TNRC6C: variants seen among roughly 807,000 people sequenced by gnomAD.
TNRC6C encodes the protein trinucleotide repeat containing adaptor 6C.
In TNRC6C, 20 loss-of-function variants were observed where a neutral mutation model predicts 153.7. That is an observed-to-expected ratio of 0.13 (90% CI 0.09 to 0.19). The LOEUF (loss-of-function observed/expected upper bound fraction) is 0.19, where lower values mean the gene tolerates loss of function less well. Among genes scored for constraint, TNRC6C ranks in the 10% least tolerant of loss-of-function variants. The pLI is 1.00. For synonymous variants in TNRC6C, 811 were observed against 841.4 expected (o/e 0.96, Z 0.63); for missense variants, 1,987 against 2,172.0 (o/e 0.91, Z 1.69).
At chr17:77,994,139 A>G (rs1006238887) in intron 1 of TNRC6C, among the ~76,000 whole-genome samples, 2 of 152,180 alleles carry the variant, frequency 1.3e-5, no homozygotes, top group African/African-American at 4.8e-5. Context: ...GTTGCAGTGC[A>G]CCGAGATTGT....
At chr17:77,978,258 G>GT (rs973188167) in intron 1 of TNRC6C, among the ~76,000 whole-genome samples, 3 of 152,152 alleles carry the variant, frequency 2.0e-5, no homozygotes, top group African/African-American at 7.2e-5. Context: ...CAATAGAATA[G>GT]TAGAAGTAAG....
intron 3 of TNRC6C, among the ~76,000 whole-genome samples, chr17:78,055,771 G>A (rs967598511): frequency 4.6e-5 from 7 of 152,124 alleles, no homozygotes; most frequent in African/African-American, 1.4e-4. Flanking sequence ...GTCATGTATG[G>A]AGCATTTTTA....
At chr17:78,078,801 CT>C (rs763902486) in intron 9 of TNRC6C, among the ~76,000 whole-genome samples, 137 of 152,084 alleles carry the variant, frequency 9.0e-4, no homozygotes, top group Non-Finnish European at 9.0e-4. Flanking sequence ...CCCGTCTCTA[CT>C]AAAAACACAA....
intron 16 of TNRC6C, among the ~76,000 whole-genome samples, chr17:78,094,411 C>T (rs2073446659): frequency 6.6e-6 from 1 of 151,224 alleles, no homozygotes; most frequent in East Asian, 1.9e-4. Flanking sequence ...TCATTGGAGC[C>T]ATGTGTTTTG....
At chr17:77,986,141 G>T (rs1032826194) in intron 1 of TNRC6C, among the ~76,000 whole-genome samples, 2 of 152,130 alleles carry the variant, frequency 1.3e-5, no homozygotes, top group African/African-American at 2.4e-5. Flanking sequence ...AATGGGCTGG[G>T]CACAGTGGCT....
At chr17:78,031,205 CTGA>C (rs1447965352) in intron 1 of TNRC6C, among the ~76,000 whole-genome samples, 1 of 152,146 alleles carries the variant, frequency 6.6e-6, no homozygotes, top group African/African-American at 2.4e-5. Flanking sequence ...TGTCTGGGCT[CTGA>C]TAAGCCCTCT....
chr17:78,066,907 C>G (rs34746720), intron 4 of TNRC6C: 1 of 152,192 alleles, frequency 6.6e-6, no homozygotes, highest in East Asian at 1.9e-4. Context: ...ACTTAATGCT[C>G]ATAGGTTTGG....
exon 11 of TNRC6C, chr17:78,083,055 A>G (rs36095113): frequency 6.2e-7 from 1 of 1,613,948 alleles, no homozygotes; most frequent in Non-Finnish European, 8.5e-7. Flanking sequence ...AGGTTCAAGC[A>G]CAGCTTTTGC....
intron 1 of TNRC6C, among the ~76,000 whole-genome samples, chr17:77,980,205 G>A (rs926341328): frequency 6.6e-6 from 1 of 152,160 alleles, no homozygotes; most frequent in Admixed American, 6.5e-5. Flanking sequence ...ATATTGATAG[G>A]TGCAGCAAAC....
intron 1 of TNRC6C, among the ~76,000 whole-genome samples, chr17:77,972,731 G>A (rs1163665402): frequency 6.6e-6 from 1 of 152,098 alleles, no homozygotes; most frequent in African/African-American, 2.4e-5. Flanking sequence ...TTCTCACAAA[G>A]AAAATCCAGG....
At chr17:78,097,934 G>C (rs1018539815) in intron 16 of TNRC6C, 73 bp downstream of exon 19, 25 of 1,228,604 alleles carry the variant, frequency 2.0e-5, no homozygotes, top group Non-Finnish European at 3.4e-6. Context: ...ACAGGCCCCA[G>C]CTTTTCCTAT....
At chr17:78,048,283 G>A (rs1197155919) in intron 2 of TNRC6C, among the ~76,000 whole-genome samples, 35 of 152,042 alleles carry the variant, frequency 2.3e-4, no homozygotes, top group Admixed American at 2.3e-3. Context: ...AGATAGCATT[G>A]TCTCATATGT....
intron 3 of TNRC6C, among the ~76,000 whole-genome samples, chr17:78,058,469 TGAA>T (rs2072702459): frequency 1.3e-5 from 2 of 152,204 alleles, no homozygotes; most frequent in South Asian, 4.1e-4. Context: ...ACAATGAGAT[TGAA>T]GAAGAACTTC....
intron 16 of TNRC6C, among the ~76,000 whole-genome samples, chr17:78,096,228 CAAA>C (rs1399235374): frequency 2.6e-5 from 4 of 152,148 alleles, no homozygotes; most frequent in African/African-American, 9.7e-5. Flanking sequence ...TCACACAACA[CAAA>C]GAAGGGAGCA....
exon 16 of TNRC6C, chr17:78,093,688 C>T (rs757468077): frequency 6.2e-7 from 1 of 1,613,990 alleles, no homozygotes; most frequent in Non-Finnish European, 8.5e-7. Context: ...TGACGTCACT[C>T]CTGGCAGTGT....
chr17:78,009,388 T>TA (rs2071582080), intron 1 of TNRC6C, among the ~76,000 whole-genome samples: 1 of 152,166 alleles, frequency 6.6e-6, no homozygotes. Flanking sequence ...TGATTAACTA[T>TA]GATAATTTTC....
intron 1 of TNRC6C, among the ~76,000 whole-genome samples, chr17:78,006,496 TTCTTCTTCTTC>T (rs1567910760): frequency 0.015 from 113 of 7,542 alleles, 1 homozygote; most frequent in South Asian, 0.11. Context: ...TTCTTCTTTC[TTCTTCTTCTTC>T]TTCTTCTTCT....
intron 1 of TNRC6C, among the ~76,000 whole-genome samples, chr17:77,976,045 G>C (rs1296144442): frequency 6.6e-6 from 1 of 152,092 alleles, no homozygotes; most frequent in East Asian, 1.9e-4. Flanking sequence ...GCCTTTGTTT[G>C]CTCAGCTAGA....
At chr17:77,995,162 G>C (rs1455487429) in intron 1 of TNRC6C, among the ~76,000 whole-genome samples, 2 of 152,220 alleles carry the variant, frequency 1.3e-5, no homozygotes, top group African/African-American at 4.8e-5. Context: ...CCTGCCCCCA[G>C]CCTGAGGTGG....
Sources: gnomAD v4.1 joint callset for allele counts (sites outside exome capture counted in the v4.1 genomes callset) on GRCh38, gnomAD v4.1.1 for gene constraint, MANE v1.5 for transcripts, NCBI Gene and HGNC (gene_info 2026-07-23, HGNC 2026-07-21) for gene names.